The following FOXR1 variants were observed in gnomAD, a reference collection of about 807,000 sequenced individuals.
FOXR1 encodes the protein forkhead box R1.
FOXR1 carries 25 observed loss-of-function variants against 34.5 expected under a neutral mutation model. That is an observed-to-expected ratio of 0.72 (90% CI 0.53 to 1.01). The LOEUF (loss-of-function observed/expected upper bound fraction) is 1.01. Ranked by LOEUF, FOXR1 falls within the 50% of genes least tolerant of loss-of-function variation. The pLI, the probability that FOXR1 is intolerant of heterozygous loss-of-function variation, is 0.00. For missense variants in FOXR1, 373 were observed against 376.2 expected (o/e 0.99, Z 0.07); for synonymous variants, 153 against 141.6 (o/e 1.08, Z -0.57).
chr11:118,971,787 C>A lies in FOXR1; in HGVS notation c.-145C>A, dbSNP rs532563679. 63 of 798,262 alleles carry A rather than the reference C, an allele frequency of 7.9e-5. No individual in the cohort carries two copies. Among genetic ancestry groups the A allele is most frequent in the Non-Finnish European group, 1.0e-4 (50 of 482,462 alleles). 49.4% of individuals were successfully genotyped at this position (798,262 alleles called of 1,614,324 possible). A position where few individuals can be genotyped will look rare whatever the true frequency, so the allele number is the denominator to read the frequency against. ...CATTTGAGAAGGCGCCTGTGAGGGT[C>A]GCTCCTCAGCCGCCGCGCTCCCACT... On this transcript the variant is annotated 5_prime_UTR_variant, in exon 1 of 6. Transcript: ENST00000317011.
intron 4 of FOXR1, among the ~76,000 whole-genome samples, chr11:118,979,997 G>A (rs4938605): frequency 0.45 from 68,058 of 151,828 alleles, 15,758 homozygotes; most frequent in Admixed American, 0.56. Flanking sequence ...TTTCCCCAAC[G>A]GTTCCCACCT....
rs1941826938 is a variant in FOXR1 at position 118,979,597 on chromosome 11, C to T, written c.540C>T (p.His180=). ...LWSRPPLNYF[H]LIALALRNSS... Reference sequence around the variant, plus strand: ...CCCGGCCCCCTCTCAATTACTTCCACCTAATTGCCCTGGCATTAAGAAACA... The same window carrying T: ...CCCGGCCCCCTCTCAATTACTTCCATCTAATTGCCCTGGCATTAAGAAACA... The change falls in exon 4 of 6, where the codon CAC becomes CAT. Residue 180 remains histidine (H), a synonymous_variant. Transcript: ENST00000317011. The T allele has an allele frequency of 6.2e-7, 1 of 1,612,642 alleles. No homozygotes were observed. The highest frequency in any genetic ancestry group is 1.3e-5 in the African/African-American group (1 of 74,902).
chr11:118,975,747 T>C (rs935599624), intron 1 of FOXR1, among the ~76,000 whole-genome samples: 2 of 152,158 alleles, frequency 1.3e-5, no homozygotes. Flanking sequence ...GGGGGATCTG[T>C]GCCAAAGAGA....
At position 118,979,669 on chromosome 11, in the gene FOXR1, G is replaced by A. The variant is rs201483514; in HGVS notation, c.611+1G>A. On this transcript the variant is annotated splice_donor_variant, in intron 4 of 5. Coordinates refer to ENST00000317011, the MANE Select transcript of FOXR1 (RefSeq NM_181721.3). LOFTEE classifies it high-confidence loss of function. Reference sequence around the variant, plus strand: ...TGCAACAGATCTACAGTTTCACTCGGTATGTGCCGGGGGCCCTGCGAGGAG... The same window carrying A: ...TGCAACAGATCTACAGTTTCACTCGATATGTGCCGGGGGCCCTGCGAGGAG... The A allele has an allele frequency of 4.9e-5, 78 of 1,589,990 alleles. No individual in the cohort carries two copies. The highest frequency in any genetic ancestry group is 6.6e-5 in the Non-Finnish European group (77 of 1,167,658).
chr11:118,974,178 T>A (rs909784064), intron 1 of FOXR1, among the ~76,000 whole-genome samples: 1 of 152,190 alleles, frequency 6.6e-6, no homozygotes, highest in Admixed American at 6.5e-5. Flanking sequence ...AGAGCAGGAA[T>A]GCCTGTCCTC....
At position 118,980,833 on chromosome 11, in the gene FOXR1, A is replaced by G. The variant is rs1380476161; in HGVS notation, c.850+105A>G. On this transcript the variant is annotated intron_variant, in intron 5 of 5. Transcript: ENST00000317011. ...TCACACCGTGGGGGTGGGGGAATGC[A>G]TCTTCTATAGGAAACAGGGAGATTA... The G allele has an allele frequency of 5.5e-6, 6 of 1,085,114 alleles. No homozygotes were observed. In the African/African-American group the frequency reaches 9.5e-5, roughly 17 times the overall value. 67.2% of individuals were successfully genotyped at this position (1,085,114 alleles called of 1,614,324 possible). A position where few individuals can be genotyped will look rare whatever the true frequency, so the allele number is the denominator to read the frequency against.
In FOXR1 at chr11:118,971,902, G is replaced by C; in HGVS notation, c.-30G>C. 1 of 1,553,622 alleles carries C rather than the reference G, an allele frequency of 6.4e-7. No homozygotes were observed. The highest frequency in any genetic ancestry group is 8.7e-7 in the Non-Finnish European group (1 of 1,147,774). The stretch of plus-strand genomic sequence containing the variant: ...CCTCGACTTCTGGGCCCGCCTCCAT[G>C]GCCAGGTCCCGGGACTGCTGGACTG... On this transcript the variant is annotated 5_prime_UTR_variant, in exon 1 of 6. An upstream start codon of the reference 5' UTR is lost. Coordinates refer to ENST00000317011, the MANE Select transcript of FOXR1 (RefSeq NM_181721.3).
In FOXR1 at chr11:118,979,315, A is replaced by G. The variant is rs530166632; in HGVS notation, c.384+111A>G. On this transcript the variant is annotated intron_variant, in intron 3 of 5. Coordinates refer to ENST00000317011, the MANE Select transcript of FOXR1 (RefSeq NM_181721.3). ...ATAGCAAAAGGTGAATGGGTTCAGA[A>G]ATTACCTACATGCTTGGGTTGGGGA... 6 of 1,494,032 alleles carry G rather than the reference A, an allele frequency of 4.0e-6. No homozygotes were observed. In the South Asian group the frequency reaches 6.9e-5, roughly 17 times the overall value. The allele number at this position is 1,494,032 out of a possible 1,614,324, so 92.5% of individuals were successfully genotyped here. A position where few individuals can be genotyped will look rare whatever the true frequency, so the allele number is the denominator to read the frequency against.
Position 118,979,675 on chromosome 11 carries a change from G to GC in FOXR1, c.611+9dup. ...AGATCTACAGTTTCACTCGGTATGT[G>GC]CCGGGGGCCCTGCGAGGAGGGGGAA... On this transcript the variant is annotated splice_region_variant and intron_variant, in intron 4 of 5. Transcript: ENST00000317011. 4 of 1,574,862 alleles carry GC rather than the reference G, an allele frequency of 2.5e-6. No homozygotes were observed. Among genetic ancestry groups the GC allele is most frequent in the Non-Finnish European group, 3.4e-6 (4 of 1,160,066 alleles).
chr11:118,979,396 T>A, intron 3 of FOXR1, 46 bp from the exon 4 acceptor site: 1 of 1,515,296 alleles, frequency 6.6e-7, no homozygotes, highest in Non-Finnish European at 8.9e-7. Flanking sequence ...CACCCTGGAG[T>A]AGAGGCTGAG....
chr11:118,979,029 T>G lies in FOXR1; in HGVS notation c.209T>G (p.Val70Gly), dbSNP rs1314299255. The change falls in exon 3 of 6, where the codon GTC (valine) becomes GGC (glycine). Residue 70 changes from valine (V) to glycine (G), a missense_variant. Val to Gly is a moderately radical substitution (Grantham distance 109). Transcript: ENST00000317011. ...NIVYPPGKLEVSGRRKREDLT... is the reference protein window; with the variant it reads ...NIVYPPGKLEGSGRRKREDLT... ...GTGTATCCCCCTGGAAAGCTGGAGG[T>G]CTCAGGACGTAGGAAGAGGGAGGAC... The G allele has an allele frequency of 6.2e-7, 1 of 1,602,074 alleles. No individual in the cohort carries two copies. Among genetic ancestry groups the G allele is most frequent in the Non-Finnish European group, 8.5e-7 (1 of 1,174,108 alleles).
At chr11:118,976,529 T>C (rs571182811) in intron 1 of FOXR1, among the ~76,000 whole-genome samples, 1 of 152,166 alleles carries the variant, frequency 6.6e-6, no homozygotes, top group Non-Finnish European at 1.5e-5. Context: ...GCAGGAGTAG[T>C]GTTGGAGAGT....
intron 1 of FOXR1, 141 bp downstream of exon 1, chr11:118,972,133 C>A (rs559205346): frequency 7.0e-6 from 4 of 575,040 alleles, no homozygotes; most frequent in African/African-American, 6.7e-5. Flanking sequence ...CCCCGCGCCC[C>A]CCCCCCCCGA....
Position 118,971,907 on chromosome 11 carries a change from G to A in FOXR1, c.-25G>A, listed in dbSNP as rs1941707884. 2 of 1,554,406 alleles carry A rather than the reference G, an allele frequency of 1.3e-6. No homozygotes were observed. Among genetic ancestry groups the A allele is most frequent in the Non-Finnish European group, 1.7e-6 (2 of 1,148,188 alleles). ...ACTTCTGGGCCCGCCTCCATGGCCA[G>A]GTCCCGGGACTGCTGGACTGGGACA... On this transcript the variant is annotated 5_prime_UTR_variant, in exon 1 of 6. Coordinates refer to ENST00000317011, the MANE Select transcript of FOXR1 (RefSeq NM_181721.3).
In FOXR1 at chr11:118,980,510, G is replaced by C; in HGVS notation, c.632G>C (p.Arg211Pro). The part of the protein sequence containing the change: ...SFTRKHFPFF[R>P]TAPEGWKNTV... ...CATAGAAAGCACTTCCCCTTTTTCCGGACGGCCCCGGAAGGCTGGAAGAAT... is the reference window on the plus strand; with the variant it reads ...CATAGAAAGCACTTCCCCTTTTTCCCGACGGCCCCGGAAGGCTGGAAGAAT... The change falls in exon 5 of 6, where the codon CGG (arginine) becomes CCG (proline). Residue 211 changes from arginine (R) to proline (P), a missense_variant. By Grantham distance (103) the Arg-to-Pro change is moderately radical. Coordinates refer to ENST00000317011, the MANE Select transcript of FOXR1 (RefSeq NM_181721.3). 1 of 1,613,586 alleles carries C rather than the reference G, an allele frequency of 6.2e-7. No homozygotes were observed. Among genetic ancestry groups the C allele is most frequent in the Non-Finnish European group, 8.5e-7 (1 of 1,179,904 alleles).
intron 1 of FOXR1, 144 bp downstream of exon 1, chr11:118,972,136 C>CCG (rs1555180680): frequency 9.1e-6 from 5 of 548,580 alleles, no homozygotes; most frequent in Non-Finnish European, 1.2e-5. Flanking sequence ...CGCGCCCCCC[C>CCG]CCCCCGACGG....
intron 1 of FOXR1, among the ~76,000 whole-genome samples, chr11:118,978,556 C>T (rs1433256573): frequency 6.6e-6 from 1 of 152,092 alleles, no homozygotes; most frequent in Non-Finnish European, 1.5e-5. Flanking sequence ...CACGGACATG[C>T]ATGAGATCAT....
In FOXR1 at chr11:118,981,253, C is replaced by A. The variant is rs1565648185; in HGVS notation, c.*17C>A. The A allele has an allele frequency of 6.2e-7, 1 of 1,613,334 alleles. No homozygotes were observed. ...GATCTTTAACCCCAAGAAGCAACAG[C>A]CAGCTAATGCTTTATTAAAATTACC... On this transcript the variant is annotated 3_prime_UTR_variant, in exon 6 of 6. Coordinates refer to ENST00000317011, the MANE Select transcript of FOXR1 (RefSeq NM_181721.3).
At chr11:118,974,484 C>T (rs1355302210) in intron 1 of FOXR1, among the ~76,000 whole-genome samples, 1 of 152,214 alleles carries the variant, frequency 6.6e-6, no homozygotes, top group Admixed American at 6.5e-5. Context: ...GTGACATGCT[C>T]TCAGGGTCTG....
Sources: gnomAD v4.1 joint callset for allele counts (sites outside exome capture counted in the v4.1 genomes callset) on GRCh38, gnomAD v4.1.1 for gene constraint, MANE v1.5 for transcripts, NCBI Gene and HGNC (gene_info 2026-07-23, HGNC 2026-07-21) for gene names.